The following MTOR variants were observed in gnomAD, a reference collection of about 807,000 sequenced individuals.
MTOR encodes serine/threonine-protein kinase mTOR.
In MTOR, 70 loss-of-function variants were observed where a neutral mutation model predicts 319.8. That is an observed-to-expected ratio of 0.22 (90% confidence interval 0.18 to 0.27). MTOR has a LOEUF of 0.27. MTOR is among the 10% of genes least tolerant of loss of function. The pLI is 1.00. For synonymous variants in MTOR, 1,183 were observed against 1,211.4 expected, an observed-to-expected ratio of 0.98 and a Z score of 0.49; for missense variants, 1,890 against 3,274.4, an observed-to-expected ratio of 0.58 and a Z score of 10.32.
chr1:11,209,996 T>C (rs868007868), intron 24 of MTOR, among the ~76,000 whole-genome samples: 2 of 152,008 alleles, frequency 1.3e-5, no homozygotes, highest in South Asian at 2.1e-4. Flanking sequence ...GCCTCCTGAA[T>C]AGTTGGGACT....
chr1:11,188,943 G>A (rs1645411202), intron 28 of MTOR, among the ~76,000 whole-genome samples: 2 of 152,186 alleles, frequency 1.3e-5, no homozygotes, highest in Non-Finnish European at 1.5e-5. Context: ...CATATAAACA[G>A]CATGGATTAC....
chr1:11,117,719 G>A (rs1310897670), intron 49 of MTOR, among the ~76,000 whole-genome samples: 2 of 152,126 alleles, frequency 1.3e-5, no homozygotes, highest in African/African-American at 4.8e-5. Flanking sequence ...CATGGAACTT[G>A]AGAAACAGGC....
At chr1:11,139,687 A>G (rs769531740) in intron 34 of MTOR, 29 bp from the exon 35 acceptor site, 3 of 1,613,638 alleles carry the variant, frequency 1.9e-6, no homozygotes, top group South Asian at 2.2e-5. Context: ...AAGATTAGAT[A>G]TGTCTTCTGA....
chr1:11,142,378 T>A (rs1295581707), intron 34 of MTOR, among the ~76,000 whole-genome samples: 4 of 152,128 alleles, frequency 2.6e-5, no homozygotes, highest in Non-Finnish European at 5.9e-5. Flanking sequence ...AACCTCTGCC[T>A]CCCAGGTCCA....
chr1:11,202,633 A>T (rs1646014852), intron 26 of MTOR, among the ~76,000 whole-genome samples: 1 of 151,992 alleles, frequency 6.6e-6, no homozygotes, highest in Non-Finnish European at 1.5e-5. Flanking sequence ...AATTAAAAAA[A>T]AAATGGTGAT....
rs1272491245 is a variant in MTOR at position 11,129,572 on chromosome 1, G to C, written c.5714+166C>G. ...TGTAGGTTTCACCCACACAGGTGGG[G>C]CCCAGTCAGCTGTTACTCCTTAAAT... On this transcript the variant is annotated intron_variant, in intron 40 of 57. Transcript: ENST00000361445. This position sits in a 1 kb window ranked among gnomAD's most constrained non-coding sequence, Gnocchi z 4.7. Among the ~76,000 whole-genome samples, 1 of 152,194 alleles carries C rather than the reference G, an allele frequency of 6.6e-6. No individual in the cohort carries two copies. Among genetic ancestry groups the C allele is most frequent in the East Asian group, 1.9e-4 (1 of 5,196 alleles).
intron 3 of MTOR, among the ~76,000 whole-genome samples, chr1:11,257,597 C>T (rs975284567): frequency 3.4e-5 from 5 of 146,542 alleles, no homozygotes; most frequent in Admixed American, 2.1e-4. Context: ...AAAAATCTGG[C>T]GAGTGAACCC....
chr1:11,193,237 G>C (rs1158646577), intron 28 of MTOR, among the ~76,000 whole-genome samples: 1 of 152,024 alleles, frequency 6.6e-6, no homozygotes, highest in African/African-American at 2.4e-5. Flanking sequence ...TGGAACTCAG[G>C]AGGTGGAGGT....
intron 19 of MTOR, among the ~76,000 whole-genome samples, chr1:11,221,945 TTA>T (rs1253847462): frequency 1.3e-5 from 2 of 149,784 alleles, no homozygotes; most frequent in Admixed American, 6.7e-5. Flanking sequence ...TAAAGATAAA[TTA>T]TATATATATA....
chr1:11,241,224 G>A (rs1327502022), intron 10 of MTOR, among the ~76,000 whole-genome samples: 1 of 151,594 alleles, frequency 6.6e-6, no homozygotes. Flanking sequence ...AGGAGGCTGA[G>A]GCAGGAGAAT....
intron 28 of MTOR, among the ~76,000 whole-genome samples, chr1:11,177,904 C>CT (rs1262116957): frequency 6.6e-6 from 1 of 152,152 alleles, no homozygotes; most frequent in Admixed American, 6.5e-5. Flanking sequence ...TTCCAAGATA[C>CT]TTTTACCTGC....
intron 8 of MTOR, among the ~76,000 whole-genome samples, chr1:11,246,013 T>C (rs1317505235): frequency 6.6e-6 from 1 of 152,238 alleles, no homozygotes; most frequent in Non-Finnish European, 1.5e-5. Flanking sequence ...TATTTTTTTA[T>C]ATTTCTAAAG....
intron 6 of MTOR, among the ~76,000 whole-genome samples, chr1:11,251,944 T>A (rs1195135744): frequency 6.6e-6 from 1 of 152,158 alleles, no homozygotes; most frequent in Non-Finnish European, 1.5e-5. Flanking sequence ...AAACATTATG[T>A]TAAACTCAGG....
chr1:11,205,699 C>CA (rs1190939279), intron 25 of MTOR, among the ~76,000 whole-genome samples: 5 of 152,110 alleles, frequency 3.3e-5, no homozygotes, highest in South Asian at 2.1e-4. Context: ...AATAAAGGAG[C>CA]AAAAAATGAT....
At chr1:11,205,919 A>G (rs978450175) in intron 25 of MTOR, among the ~76,000 whole-genome samples, 9 of 152,218 alleles carry the variant, frequency 5.9e-5, no homozygotes, top group Non-Finnish European at 1.3e-4. Context: ...CAGGTGCTAT[A>G]CCATCAAGGA....
intron 28 of MTOR, among the ~76,000 whole-genome samples, chr1:11,198,549 TGACC>T (rs1645860557): frequency 6.6e-6 from 1 of 152,184 alleles, no homozygotes; most frequent in South Asian, 2.1e-4. Context: ...TGCAGTGAAA[TGACC>T]GACCATTTAG....
At chr1:11,217,512 T>C (rs1303948211) in intron 19 of MTOR, among the ~76,000 whole-genome samples, 3 of 151,660 alleles carry the variant, frequency 2.0e-5, no homozygotes, top group Admixed American at 6.6e-5. Context: ...GCCATTCTCC[T>C]GCCTCTGCCT....
chr1:11,238,688 G>GCTT, intron 11 of MTOR, 71 bp from the exon 12 acceptor site: 6 of 1,383,542 alleles, frequency 4.3e-6, no homozygotes, highest in Non-Finnish European at 5.9e-6. Context: ...CAGCTTGCTA[G>GCTT]CTGAATTTTC....
At chr1:11,207,501 T>C (rs1335788075) in intron 25 of MTOR, among the ~76,000 whole-genome samples, 2 of 143,370 alleles carry the variant, frequency 1.4e-5, no homozygotes, top group Admixed American at 7.3e-5. Flanking sequence ...CTGGAACTCA[T>C]GGGCTCAAGT....
Sources: allele counts gnomAD v4.1 joint callset (sites outside exome capture counted in the v4.1 genomes callset), GRCh38; gene constraint gnomAD v4.1.1; non-coding constraint Gnocchi (gnomAD v3.1); transcripts MANE v1.5; gene names NCBI Gene and HGNC (gene_info 2026-07-23, HGNC 2026-07-21).